SEMA6D: variants seen among roughly 807,000 people sequenced by gnomAD.
The protein encoded by SEMA6D is semaphorin-6D.
SEMA6D carries 35 observed loss-of-function variants against 106.6 expected under a neutral mutation model. That is an observed-to-expected ratio of 0.33 (90% CI 0.25 to 0.44). The LOEUF (loss-of-function observed/expected upper bound fraction) is 0.44, where lower values mean the gene tolerates loss of function less well. SEMA6D is among the 20% of genes least tolerant of loss of function. The pLI is 1.00. For missense variants in SEMA6D, 1,185 were observed against 1,345.9 expected, an observed-to-expected ratio of 0.88 and a Z score of 1.87; for synonymous variants, 499 against 487.7, an observed-to-expected ratio of 1.02 and a Z score of -0.31.
chr15:47,244,941 A>G (rs1179736413), intron 1 of SEMA6D, among the ~76,000 whole-genome samples: 1 of 152,086 alleles, frequency 6.6e-6, no homozygotes, highest in Non-Finnish European at 1.5e-5. Context: ...AAAAGAGAAC[A>G]TGCAATATTT....
At chr15:47,441,180 A>G (rs999081551) in intron 2 of SEMA6D, among the ~76,000 whole-genome samples, 1 of 152,088 alleles carries the variant, frequency 6.6e-6, no homozygotes, top group Non-Finnish European at 1.5e-5. Context: ...TGTCACCTAA[A>G]TAGATCACCT....
At chr15:47,331,373 TG>T (rs1209854808) in intron 1 of SEMA6D, among the ~76,000 whole-genome samples, 2 of 152,144 alleles carry the variant, frequency 1.3e-5, no homozygotes, top group African/African-American at 4.8e-5. Flanking sequence ...TTTAGAATAG[TG>T]AAAAATCAGA....
chr15:47,319,612 T>TC (rs1243914139), intron 1 of SEMA6D, among the ~76,000 whole-genome samples: 1 of 151,948 alleles, frequency 6.6e-6, no homozygotes, highest in African/African-American at 2.4e-5. Context: ...GATATTTCCC[T>TC]CCCCCCATTT....
At chr15:47,360,015 T>C (rs557763383) in intron 1 of SEMA6D, 131 of 152,278 alleles carry the variant, frequency 8.6e-4, no homozygotes, top group African/African-American at 3.0e-3. Flanking sequence ...ACGTAGGCCT[T>C]CAGGCTGAGA....
At chr15:47,639,650 A>G (rs368475056) in intron 4 of SEMA6D, among the ~76,000 whole-genome samples, 2 of 152,360 alleles carry the variant, frequency 1.3e-5, no homozygotes, top group African/African-American at 4.8e-5. Context: ...GCCAATATCA[A>G]CAGTCAGAAG....
At chr15:47,661,988 C>T (rs1266236532) in intron 4 of SEMA6D, among the ~76,000 whole-genome samples, 1 of 152,084 alleles carries the variant, frequency 6.6e-6, no homozygotes, top group Admixed American at 6.5e-5. Context: ...CCTTCCCAGC[C>T]GGTTGTTACA....
intron 1 of SEMA6D, among the ~76,000 whole-genome samples, chr15:47,723,734 A>G (rs888722651): frequency 6.6e-6 from 1 of 152,050 alleles, no homozygotes. Context: ...GATCTCTATG[A>G]GAAGAAACAA....
At chr15:47,575,210 G>C (rs1282896615) in intron 3 of SEMA6D, among the ~76,000 whole-genome samples, 1 of 152,160 alleles carries the variant, frequency 6.6e-6, no homozygotes, top group Non-Finnish European at 1.5e-5. Context: ...ATTCTTTTGA[G>C]GTTGCTGAAA....
chr15:47,337,884 A>G (rs2037633553), intron 1 of SEMA6D, among the ~76,000 whole-genome samples: 1 of 152,170 alleles, frequency 6.6e-6, no homozygotes. Context: ...ATGACTATAT[A>G]TATTTTTCTT....
intron 1 of SEMA6D, among the ~76,000 whole-genome samples, chr15:47,209,967 G>T (rs1333640193): frequency 6.6e-6 from 1 of 152,154 alleles, no homozygotes; most frequent in Non-Finnish European, 1.5e-5. Flanking sequence ...CTAAATAAAA[G>T]AAAACTACTA....
At chr15:47,736,962 G>A (rs946630547) in intron 1 of SEMA6D, among the ~76,000 whole-genome samples, 1 of 152,076 alleles carries the variant, frequency 6.6e-6, no homozygotes, top group Non-Finnish European at 1.5e-5. Context: ...TTTTGAATTG[G>A]CATGGATCTT....
chr15:47,226,749 C>CA (rs200530126), intron 1 of SEMA6D, among the ~76,000 whole-genome samples: 18 of 151,670 alleles, frequency 1.2e-4, no homozygotes, highest in South Asian at 6.2e-4. Flanking sequence ...GAAGAAGCCA[C>CA]AAAAAAAACA....
At chr15:47,743,412 GCA>G (rs1400234277) in intron 1 of SEMA6D, among the ~76,000 whole-genome samples, 2 of 151,954 alleles carry the variant, frequency 1.3e-5, no homozygotes, top group Non-Finnish European at 2.9e-5. Context: ...GCACAGGGTC[GCA>G]CACAGAAATT....
intron 1 of SEMA6D, among the ~76,000 whole-genome samples, chr15:47,327,006 AGTC>A (rs1284083668): frequency 6.6e-6 from 1 of 152,170 alleles, no homozygotes; most frequent in Non-Finnish European, 1.5e-5. Context: ...GGACAGTAGA[AGTC>A]AGCCCAGAGA....
intron 4 of SEMA6D, among the ~76,000 whole-genome samples, chr15:47,601,971 A>G (rs2076670449): frequency 6.6e-6 from 1 of 152,214 alleles, no homozygotes. Context: ...CTGTTTGTAC[A>G]TAATAAGCAG....
intron 4 of SEMA6D, among the ~76,000 whole-genome samples, chr15:47,662,918 A>G (rs962045463): frequency 6.6e-6 from 1 of 152,076 alleles, no homozygotes; most frequent in African/African-American, 2.4e-5. Context: ...TAAAAGTTAT[A>G]GAAATGGCAA....
At chr15:47,202,955 C>T (rs975036122) in intron 1 of SEMA6D, among the ~76,000 whole-genome samples, 3 of 152,148 alleles carry the variant, frequency 2.0e-5, no homozygotes, top group African/African-American at 7.2e-5. Flanking sequence ...AGATATCTCT[C>T]TCCAACAACA....
chr15:47,224,585 T>C (rs282503), intron 1 of SEMA6D, among the ~76,000 whole-genome samples: 144,798 of 152,126 alleles, frequency 0.95, 69,345 homozygotes, highest in East Asian at 1. Flanking sequence ...CCACTCAGCA[T>C]TGTTGCCTTA....
intron 4 of SEMA6D, among the ~76,000 whole-genome samples, chr15:47,693,952 A>G (rs1309154103): frequency 1.3e-5 from 2 of 152,108 alleles, no homozygotes; most frequent in Non-Finnish European, 2.9e-5. Context: ...TGGAAAAAAC[A>G]AAAAAATCTG....
Sources: allele counts gnomAD v4.1 joint callset (sites outside exome capture counted in the v4.1 genomes callset), GRCh38; gene constraint gnomAD v4.1.1; transcripts MANE v1.5; gene names NCBI Gene and HGNC (gene_info 2026-07-23, HGNC 2026-07-21).